ARIH1: variants seen among roughly 807,000 people sequenced by gnomAD.
ARIH1 encodes the protein E3 ubiquitin-protein ligase ARIH1.
Under a neutral mutation model 85.0 loss-of-function variants are expected in ARIH1, and 8 were observed. That is an observed-to-expected ratio of 0.09 (90% CI 0.06 to 0.17). The LOEUF (loss-of-function observed/expected upper bound fraction) is 0.17, where lower values mean the gene tolerates loss of function less well. Among genes scored for constraint, ARIH1 ranks in the 10% least tolerant of loss-of-function variants. ARIH1 has a pLI of 1.00. For synonymous variants in ARIH1, 238 were observed against 253.6 expected, an observed-to-expected ratio of 0.94 and a Z score of 0.59; for missense variants, 311 against 718.1, an observed-to-expected ratio of 0.43 and a Z score of 6.48.
chr15:72,484,411 AC>A (rs2063828890), intron 1 of ARIH1, among the ~76,000 whole-genome samples: 1 of 151,160 alleles, frequency 6.6e-6, no homozygotes, highest in East Asian at 1.9e-4. Flanking sequence ...TTTATCTCTC[AC>A]CCCCTTCTCA....
intron 11 of ARIH1, among the ~76,000 whole-genome samples, chr15:72,575,784 A>G (rs554540583): frequency 2.4e-4 from 37 of 152,314 alleles, no homozygotes; most frequent in African/African-American, 8.9e-4. Context: ...GATTTTCCAC[A>G]TATTTTCAGA....
At chr15:72,534,926 C>T (rs1008846511) in intron 2 of ARIH1, among the ~76,000 whole-genome samples, 9 of 149,684 alleles carry the variant, frequency 6.0e-5, no homozygotes, top group African/African-American at 9.7e-5. Flanking sequence ...CATCACAAAT[C>T]GATGCCTCCT....
intron 1 of ARIH1, among the ~76,000 whole-genome samples, chr15:72,491,093 A>G (rs966693550): frequency 6.6e-6 from 1 of 152,318 alleles, no homozygotes; most frequent in African/African-American, 2.4e-5. Flanking sequence ...TCCAGGCTGG[A>G]TGACAGAGTA....
intron 1 of ARIH1, among the ~76,000 whole-genome samples, chr15:72,508,623 C>G (rs1318092458): frequency 6.6e-6 from 1 of 151,954 alleles, no homozygotes; most frequent in Non-Finnish European, 1.5e-5. Flanking sequence ...TAGCATTGTG[C>G]CCGGCACTAA....
intron 1 of ARIH1, among the ~76,000 whole-genome samples, chr15:72,509,800 G>T (rs1260756432): frequency 6.6e-6 from 1 of 151,906 alleles, no homozygotes; most frequent in African/African-American, 2.4e-5. Context: ...TTGTTGCCCA[G>T]GCTAGTCTGA....
chr15:72,568,366 A>G (rs540044907), intron 9 of ARIH1, among the ~76,000 whole-genome samples: 12 of 152,318 alleles, frequency 7.9e-5, no homozygotes, highest in African/African-American at 2.9e-4. Flanking sequence ...ACTAATATTT[A>G]GAATAAGGCA....
Position 72,482,841 on chromosome 15 carries a change from T to C in ARIH1, c.375+7827T>C, listed in dbSNP as rs546355076. On this transcript the variant is annotated intron_variant, in intron 1 of 13. Transcript: ENST00000379887. ...CTTGGTAGCAGTTCTCTCTCTCTCTTTTTTTTTTTTTTTTTTAAAGACAGA... is the reference window on the plus strand; with the variant it reads ...CTTGGTAGCAGTTCTCTCTCTCTCTCTTTTTTTTTTTTTTTTAAAGACAGA... Among the ~76,000 whole-genome samples the C allele has an allele frequency of 1.4e-3, 203 of 141,378 alleles. 1 individual carries two copies. The highest frequency in any genetic ancestry group is 5.2e-3 in the African/African-American group (195 of 37,150). 92.7% of individuals were successfully genotyped at this position (141,378 alleles called of 152,430 possible).
At chr15:72,493,735 G>A (rs767685207) in intron 1 of ARIH1, among the ~76,000 whole-genome samples, 10 of 151,978 alleles carry the variant, frequency 6.6e-5, no homozygotes, top group Non-Finnish European at 1.5e-4. Flanking sequence ...TGTGAATCAG[G>A]TTTTTCTTCA....
chr15:72,579,377 G>GC (rs1351766528), intron 11 of ARIH1, among the ~76,000 whole-genome samples: 1 of 152,138 alleles, frequency 6.6e-6, no homozygotes, highest in African/African-American at 2.4e-5. Flanking sequence ...AGTGGTTGGG[G>GC]GGGGAGCCCA....
intron 9 of ARIH1, among the ~76,000 whole-genome samples, chr15:72,569,130 G>A (rs1234306006): frequency 1.3e-5 from 2 of 152,052 alleles, no homozygotes; most frequent in Non-Finnish European, 2.9e-5. Context: ...GCAACATGGT[G>A]AAACCCCACC....
At chr15:72,505,593 T>C (rs1004234272) in intron 1 of ARIH1, among the ~76,000 whole-genome samples, 1 of 152,218 alleles carries the variant, frequency 6.6e-6, no homozygotes, top group Non-Finnish European at 1.5e-5. Flanking sequence ...CAGGTTCCTA[T>C]AATGGGTATT....
intron 1 of ARIH1, among the ~76,000 whole-genome samples, chr15:72,505,092 A>C (rs1169180083): frequency 6.6e-6 from 1 of 152,222 alleles, no homozygotes. Context: ...AGCTTATATC[A>C]GTGCTCCTCA....
At chr15:72,545,792 G>A (rs1348030705) in intron 3 of ARIH1, among the ~76,000 whole-genome samples, 1 of 152,258 alleles carries the variant, frequency 6.6e-6, no homozygotes, top group Non-Finnish European at 1.5e-5. Flanking sequence ...TCATGCCACT[G>A]TATTCCAGCC....
At chr15:72,540,092 C>A (rs1468663044) in intron 2 of ARIH1, among the ~76,000 whole-genome samples, 3 of 151,544 alleles carry the variant, frequency 2.0e-5, no homozygotes, top group East Asian at 3.9e-4. Context: ...ACTCTGTCTC[C>A]ACTAAAAATA....
Position 72,583,368 on chromosome 15 carries a change from A to G in ARIH1, c.*76A>G. The G allele has an allele frequency of 8.1e-7, 1 of 1,228,570 alleles. No homozygotes were observed. The highest frequency in any genetic ancestry group is 2.3e-5 in the East Asian group (1 of 42,860). 76.1% of individuals were successfully genotyped at this position (1,228,570 alleles called of 1,614,324 possible). A position where few individuals can be genotyped will look rare whatever the true frequency, so the allele number is the denominator to read the frequency against. On this transcript the variant is annotated 3_prime_UTR_variant, in exon 14 of 14. Transcript: ENST00000379887. ...CATGCAATTAAAACAAAACAAACAC[A>G]AACAAGGAGGCACTAAGCCTATTCT...
At position 72,588,710 on chromosome 15, in the gene ARIH1, A is replaced by G. The variant is rs556405935; in HGVS notation, c.*5418A>G. On this transcript the variant is annotated 3_prime_UTR_variant, in exon 14 of 14. Coordinates refer to ENST00000379887, the MANE Select transcript of ARIH1 (RefSeq NM_005744.5). Reference sequence around the variant, plus strand: ...CCAAGGGTCTGGTGTGCAGTGCCCAATTTGGTTTTTTGTTGGTTTTCTGGT... The same window carrying G: ...CCAAGGGTCTGGTGTGCAGTGCCCAGTTTGGTTTTTTGTTGGTTTTCTGGT... 144 of 152,238 alleles carry G rather than the reference A, an allele frequency of 9.5e-4. No homozygotes were observed. Among genetic ancestry groups the G allele is most frequent in the African/African-American group, 3.2e-3 (135 of 41,542 alleles). The allele number at this position is 152,238 out of a possible 1,614,324, so 9.4% of individuals were successfully genotyped here. A position where few individuals can be genotyped will look rare whatever the true frequency, so the allele number is the denominator to read the frequency against.
chr15:72,532,626 A>G (rs1045128781), intron 2 of ARIH1, among the ~76,000 whole-genome samples: 2 of 152,234 alleles, frequency 1.3e-5, no homozygotes, highest in African/African-American at 4.8e-5. Context: ...TCTTATGTAC[A>G]TAGATACAAA....
At chr15:72,481,997 C>T (rs1181746573) in intron 1 of ARIH1, among the ~76,000 whole-genome samples, 5 of 152,020 alleles carry the variant, frequency 3.3e-5, no homozygotes, top group African/African-American at 7.2e-5. Context: ...CCACTACGCC[C>T]GGCTAATTTT....
At position 72,599,088 on chromosome 15, in the gene ARIH1, A is replaced by C. The variant is rs1365692227; in HGVS notation, c.*15796A>C. 6.6e-6 allele frequency: 1 copy of C among 152,166 alleles called. No homozygotes were observed. The highest frequency in any genetic ancestry group is 1.5e-5 in the Non-Finnish European group (1 of 68,062). 9.4% of individuals were successfully genotyped at this position (152,166 alleles called of 1,614,324 possible). A position where few individuals can be genotyped will look rare whatever the true frequency, so the allele number is the denominator to read the frequency against. ...GGCTCTGTTGCCCAGGCTGGAGTGC[A>C]GTGGCACGATCTAGGCTCATTGCAA... On this transcript the variant is annotated 3_prime_UTR_variant, in exon 14 of 14. Coordinates refer to ENST00000379887, the MANE Select transcript of ARIH1 (RefSeq NM_005744.5).
Sources: gnomAD v4.1 joint callset for allele counts (sites outside exome capture counted in the v4.1 genomes callset) on GRCh38, gnomAD v4.1.1 for gene constraint, MANE v1.5 for transcripts, NCBI Gene and HGNC (gene_info 2026-07-23, HGNC 2026-07-21) for gene names.